OSTN: variants seen among roughly 807,000 people sequenced by gnomAD.
The protein encoded by OSTN is osteocrin.
A neutral mutation model predicts 12.0 loss-of-function variants in OSTN; 9 were observed. That is an observed-to-expected ratio of 0.75 (90% CI 0.45 to 1.30). The LOEUF is 1.30. OSTN is among the 50% of genes most tolerant of loss of function. The probability of loss-of-function intolerance (pLI) is 0.00; values close to 1 mark genes in which losing one functional copy is unlikely to be tolerated. For synonymous variants in OSTN, 59 were observed against 56.9 expected (o/e 1.04, Z -0.16); for missense variants, 148 against 152.3 (o/e 0.97, Z 0.15).
intron 2 of OSTN, among the ~76,000 whole-genome samples, chr3:191,216,840 A>G (rs994488627): frequency 6.6e-6 from 1 of 152,210 alleles, no homozygotes; most frequent in Admixed American, 6.5e-5. Flanking sequence ...ACAAGTGTCT[A>G]GGAAGTTTCA....
chr3:191,257,742 T>C (rs1279505977), intron 4 of OSTN, among the ~76,000 whole-genome samples: 4 of 152,204 alleles, frequency 2.6e-5, no homozygotes, highest in African/African-American at 9.7e-5. Context: ...CATTTTAATA[T>C]TATTTTACCA....
At chr3:191,246,067 CAAAAAAAAA>C (rs149962240) in intron 3 of OSTN, among the ~76,000 whole-genome samples, 13 of 60,360 alleles carry the variant, frequency 2.2e-4, no homozygotes, top group South Asian at 7.7e-4. Flanking sequence ...AACTCTGTCT[CAAAAAAAAA>C]AAAAAAAAAA....
At chr3:191,209,911 C>CA (rs1714374303) in intron 1 of OSTN, among the ~76,000 whole-genome samples, 1 of 152,214 alleles carries the variant, frequency 6.6e-6, no homozygotes, top group Non-Finnish European at 1.5e-5. Flanking sequence ...CAACTGCAAT[C>CA]AACCACTTGT....
At chr3:191,219,817 T>A (rs569669268) in intron 3 of OSTN, among the ~76,000 whole-genome samples, 10 of 152,318 alleles carry the variant, frequency 6.6e-5, no homozygotes, top group African/African-American at 2.2e-4. Flanking sequence ...ATATTAAATA[T>A]CTCCAGAATA....
intron 2 of OSTN, among the ~76,000 whole-genome samples, chr3:191,214,259 C>T (rs1348298853): frequency 6.6e-6 from 1 of 151,764 alleles, no homozygotes; most frequent in Non-Finnish European, 1.5e-5. Flanking sequence ...AAGAGTCTGG[C>T]CAACATGGTG....
rs1413301643 is a variant in OSTN, at chr3:191,222,818, C to T, written c.317+3857C>T. On this transcript the variant is annotated intron_variant, in intron 3 of 4. Coordinates refer to ENST00000682035, the MANE Select transcript of OSTN (RefSeq NM_198184.2). Reference sequence around the variant, plus strand: ...GGTAATTGAATCATGGGGGTGGCTACCCCCATGCTGCTGTTCTCATGAGAG... The same window carrying T: ...GGTAATTGAATCATGGGGGTGGCTATCCCCATGCTGCTGTTCTCATGAGAG... 2.6e-5 allele frequency among the ~76,000 whole-genome samples: 4 copies of T among 151,950 alleles called. No individual in the cohort carries two copies. The East Asian group carries it at 7.7e-4, about 29-fold the overall frequency.
chr3:191,251,613 A>C (rs1293305246), intron 4 of OSTN, among the ~76,000 whole-genome samples: 1 of 152,204 alleles, frequency 6.6e-6, no homozygotes, highest in African/African-American at 2.4e-5. Context: ...TCTCGTTCTC[A>C]AAATCACTCA....
intron 2 of OSTN, among the ~76,000 whole-genome samples, chr3:191,212,867 C>CTTTTTTT (rs397991965): frequency 2.6e-4 from 24 of 93,088 alleles, no homozygotes; most frequent in East Asian, 9.7e-4. Flanking sequence ...TCTTTTCTTT[C>CTTTTTTT]TTTTTTTTTT....
chr3:191,217,401 G>A (rs1324777160), intron 2 of OSTN, among the ~76,000 whole-genome samples: 4 of 152,126 alleles, frequency 2.6e-5, no homozygotes, highest in African/African-American at 9.7e-5. Flanking sequence ...AAAACAGAAA[G>A]TGAAGAAAAC....
At chr3:191,226,889 G>T (rs1714926225) in intron 3 of OSTN, among the ~76,000 whole-genome samples, 1 of 152,090 alleles carries the variant, frequency 6.6e-6, no homozygotes, top group East Asian at 1.9e-4. Context: ...TTTGATTGAA[G>T]AAATAGATGA....
chr3:191,260,192 A>C (rs1715775613), intron 4 of OSTN, among the ~76,000 whole-genome samples: 1 of 151,966 alleles, frequency 6.6e-6, no homozygotes, highest in East Asian at 1.9e-4. Context: ...TGTTTGGTGT[A>C]AGATATCTCT....
chr3:191,238,815 C>G (rs1715258742), intron 3 of OSTN, among the ~76,000 whole-genome samples: 1 of 152,192 alleles, frequency 6.6e-6, no homozygotes, highest in South Asian at 2.1e-4. Flanking sequence ...TGGGACAGTC[C>G]TTTTACCTTT....
chr3:191,255,806 T>C (rs778748149), intron 4 of OSTN, among the ~76,000 whole-genome samples: 14 of 152,128 alleles, frequency 9.2e-5, no homozygotes, highest in Non-Finnish European at 1.6e-4. Context: ...CTGTTACTTT[T>C]AGCCAATGTA....
intron 4 of OSTN, among the ~76,000 whole-genome samples, chr3:191,260,790 G>A (rs1715791291): frequency 1.3e-5 from 2 of 152,042 alleles, no homozygotes; most frequent in African/African-American, 2.4e-5. Context: ...TGAACAAGAG[G>A]GAACTTTATT....
At chr3:191,261,166 C>T (rs114731529) in intron 4 of OSTN, among the ~76,000 whole-genome samples, 3,561 of 152,196 alleles carry the variant, frequency 0.023, 136 homozygotes, top group African/African-American at 0.081. Context: ...ACTGAAGGTG[C>T]CAAGGGCTAA....
chr3:191,212,298 A>G (rs1714478139), intron 1 of OSTN, among the ~76,000 whole-genome samples: 1 of 152,210 alleles, frequency 6.6e-6, no homozygotes, highest in South Asian at 2.1e-4. Flanking sequence ...TTATTATTAT[A>G]GCTGTACAAC....
intron 3 of OSTN, among the ~76,000 whole-genome samples, chr3:191,247,348 C>A (rs879510618): frequency 5.9e-5 from 9 of 152,088 alleles, no homozygotes; most frequent in Non-Finnish European, 1.0e-4. Flanking sequence ...TGTAGAAGTG[C>A]AAACAATAGA....
chr3:191,222,363 T>C (rs889255681), intron 3 of OSTN, among the ~76,000 whole-genome samples: 2 of 152,180 alleles, frequency 1.3e-5, no homozygotes, highest in East Asian at 3.9e-4. Context: ...ATGTGAGACA[T>C]GAAGTCAAAG....
Position 191,258,624 on chromosome 3 carries a change from G to A in OSTN, c.*13-4242G>A, listed in dbSNP as rs137908076. Among the ~76,000 whole-genome samples the A allele has an allele frequency of 9.2e-3, 1,387 of 150,620 alleles. 12 individuals carry two copies. Among genetic ancestry groups the A allele is most frequent in the South Asian group, 0.015 (73 of 4,752 alleles). On this transcript the variant is annotated intron_variant, in intron 4 of 4. Transcript: ENST00000682035. ...GTATAGCTATGTAACAAGCCTGCAC[G>A]TTCTGCACATGTATTCCAGGACTTA...
Sources: gnomAD v4.1 joint callset for allele counts (sites outside exome capture counted in the v4.1 genomes callset) on GRCh38, gnomAD v4.1.1 for gene constraint, MANE v1.5 for transcripts, NCBI Gene and HGNC (gene_info 2026-07-23, HGNC 2026-07-21) for gene names.